Variants in STIM1 observed in about 807,000 individuals in gnomAD.
STIM1 encodes stromal interaction molecule 1.
Under a neutral mutation model 74.7 loss-of-function variants are expected in STIM1, and 25 were observed. The ratio of observed to expected loss-of-function variants is 0.33; its 90% CI spans 0.24 to 0.47. The LOEUF (loss-of-function observed/expected upper bound fraction) is 0.47, where lower values mean the gene tolerates loss of function less well. Ranked by LOEUF, STIM1 falls within the 20% of genes least tolerant of loss-of-function variation. The pLI is 1.00. For synonymous variants in STIM1, 328 were observed against 348.8 expected (o/e 0.94, Z 0.66); for missense variants, 728 against 920.8 (o/e 0.79, Z 2.71).
At position 4,018,187 on chromosome 11, in the gene STIM1, C is replaced by T. The variant is rs540252686; in HGVS notation, c.271-5686C>T. On this transcript the variant is annotated intron_variant, in intron 2 of 12. Coordinates refer to ENST00000526596, the MANE Select transcript of STIM1 (RefSeq NM_001382567.1). ...AAAATTGGCTGGGCGCGGTGGCTCA[C>T]GCCTGTAATCCCAGCACTTTGGGAG... 1.4e-4 allele frequency among the ~76,000 whole-genome samples: 22 copies of T among 151,978 alleles called. No individual in the cohort carries two copies. The East Asian group carries it at 2.7e-3, about 19-fold the overall frequency.
chr11:4,024,114 A>G (rs893681746), intron 3 of STIM1, 127 bp downstream of exon 3: 3 of 735,816 alleles, frequency 4.1e-6, no homozygotes, highest in Non-Finnish European at 7.2e-6. Context: ...AAGTTATTCT[A>G]CATATAGTCA....
In STIM1 at chr11:3,895,736, T is replaced by TTC. The variant is rs1554954416; in HGVS notation, c.139+39328_139+39329insCT. Among the ~76,000 whole-genome samples, 123 of 31,894 alleles carry TTC rather than the reference T, an allele frequency of 3.9e-3. 8 individuals carry two copies. Among genetic ancestry groups the TTC allele is most frequent in the East Asian group, 0.011 (11 of 1,026 alleles). The allele number at this position is 31,894 out of a possible 152,430, so 20.9% of individuals were successfully genotyped here. On this transcript the variant is annotated intron_variant, in intron 1 of 12. Transcript: ENST00000526596. ...TTTCTTTCTTTCTTTCTTTCTTTCT[T>TTC]TTTCTTTCTTCCTTCCTTCCTTCCT...
At chr11:4,004,291 C>A (rs1302415718) in intron 2 of STIM1, among the ~76,000 whole-genome samples, 1 of 151,954 alleles carries the variant, frequency 6.6e-6, no homozygotes, top group Admixed American at 6.6e-5. Flanking sequence ...AATCCTAAGC[C>A]AAAAGAACAA....
chr11:4,048,659 CTT>C (rs1379507793), intron 3 of STIM1, among the ~76,000 whole-genome samples: 1 of 152,030 alleles, frequency 6.6e-6, no homozygotes, highest in Non-Finnish European at 1.5e-5. Flanking sequence ...TCATAATTGA[CTT>C]TTAACAAAGT....
chr11:3,922,413 T>C (rs144858927), intron 1 of STIM1, among the ~76,000 whole-genome samples: 3 of 152,308 alleles, frequency 2.0e-5, no homozygotes, highest in African/African-American at 4.8e-5. Context: ...CAGTTTTCCA[T>C]TGGGCTATCT....
chr11:3,990,000 A>G (rs1389956855), intron 2 of STIM1, among the ~76,000 whole-genome samples: 1 of 152,242 alleles, frequency 6.6e-6, no homozygotes, highest in Non-Finnish European at 1.5e-5. Flanking sequence ...AATTAAAAAC[A>G]TTTTTGTCAC....
At chr11:3,991,437 C>G (rs1188503024) in intron 2 of STIM1, among the ~76,000 whole-genome samples, 1 of 151,788 alleles carries the variant, frequency 6.6e-6, no homozygotes, top group Non-Finnish European at 1.5e-5. Flanking sequence ...TCCCAAAGTG[C>G]TGGTATTACA....
chr11:3,980,677 C>CA (rs1277137211), intron 2 of STIM1, among the ~76,000 whole-genome samples: 146 of 148,318 alleles, frequency 9.8e-4, no homozygotes, highest in African/African-American at 3.5e-3. Flanking sequence ...ACAACAACAA[C>CA]AACAAAAAAA....
chr11:4,080,378 G>A (rs983166867), intron 7 of STIM1, among the ~76,000 whole-genome samples: 15 of 151,874 alleles, frequency 9.9e-5, no homozygotes, highest in African/African-American at 3.6e-4. Context: ...ATTTATTACT[G>A]TGCATGGCAT....
At chr11:4,000,467 G>C (rs1372367855) in intron 2 of STIM1, among the ~76,000 whole-genome samples, 1 of 152,048 alleles carries the variant, frequency 6.6e-6, no homozygotes, top group African/African-American at 2.4e-5. Context: ...CTGATACCCA[G>C]GCAAACAGGG....
At chr11:3,855,624 C>CG (rs1446701651), upstream of STIM1, 7 of 145,372 alleles carry the variant, frequency 4.8e-5, no homozygotes, top group African/African-American at 1.7e-4. Flanking sequence ...CGCACGCCCC[C>CG]GCCCGCCCCG....
chr11:3,933,576 C>G (rs928286260), intron 1 of STIM1, among the ~76,000 whole-genome samples: 6 of 152,108 alleles, frequency 3.9e-5, no homozygotes, highest in Non-Finnish European at 8.8e-5. Context: ...CCTCTTTGGC[C>G]TTGTCTACCT....
intron 2 of STIM1, among the ~76,000 whole-genome samples, chr11:3,976,606 C>T (rs990566276): frequency 7.9e-5 from 12 of 152,154 alleles, no homozygotes; most frequent in Admixed American, 3.3e-4. Context: ...AGTGAATACT[C>T]GCTACTTTCC....
chr11:3,962,583 C>G (rs1170255781), intron 1 of STIM1, among the ~76,000 whole-genome samples: 1 of 152,064 alleles, frequency 6.6e-6, no homozygotes, highest in Non-Finnish European at 1.5e-5. Flanking sequence ...TGGTGGCTAT[C>G]TCTTTATATA....
Position 4,091,883 on chromosome 11 carries a change from G to A in STIM1, c.*85G>A. 4 of 1,570,082 alleles carry A rather than the reference G, an allele frequency of 2.5e-6. No homozygotes were observed. In the South Asian group the frequency reaches 3.4e-5, roughly 13 times the overall value. On this transcript the variant is annotated 3_prime_UTR_variant, in exon 13 of 13. Coordinates refer to ENST00000526596, the MANE Select transcript of STIM1 (RefSeq NM_001382567.1). ...TCCCTCCCTTCCTTCAAGATAACTG[G>A]CCCCAAGAGTGGGGCATGGGAAGGG...
At chr11:4,035,763 T>C (rs1242722527) in intron 3 of STIM1, among the ~76,000 whole-genome samples, 1 of 151,980 alleles carries the variant, frequency 6.6e-6, no homozygotes, top group Admixed American at 6.6e-5. Context: ...ACATGGTCTA[T>C]CTTGTTAAAT....
intron 1 of STIM1, among the ~76,000 whole-genome samples, chr11:3,886,208 C>T (rs908719182): frequency 1.3e-5 from 2 of 152,124 alleles, no homozygotes; most frequent in Admixed American, 1.3e-4. Context: ...AGAAAATTCA[C>T]TGGGAACCCA....
At position 4,028,414 on chromosome 11, in the gene STIM1, C is replaced by CT. The variant is rs1217731355; in HGVS notation, c.385+4438dup. Among the ~76,000 whole-genome samples, 560 of 137,182 alleles carry CT rather than the reference C, an allele frequency of 4.1e-3. 3 individuals carry two copies. The highest frequency in any genetic ancestry group is 0.013 in the African/African-American group (493 of 37,052). 90.0% of individuals were successfully genotyped at this position (137,182 alleles called of 152,430 possible). A position where few individuals can be genotyped will look rare whatever the true frequency, so the allele number is the denominator to read the frequency against. ...CTTTTTTTTTCTTTCTTTTTCTTTT[C>CT]TTTTTTTTTTTCGAGGTGGAGTCTT... On this transcript the variant is annotated intron_variant, in intron 3 of 12. Transcript: ENST00000526596.
intron 1 of STIM1, among the ~76,000 whole-genome samples, chr11:3,955,210 T>C (rs1196086174): frequency 6.6e-6 from 1 of 152,060 alleles, no homozygotes; most frequent in Non-Finnish European, 1.5e-5. Flanking sequence ...ACAGTGGTTG[T>C]GTGGGGAGGG....
Sources: allele counts gnomAD v4.1 joint callset (sites outside exome capture counted in the v4.1 genomes callset), GRCh38; gene constraint gnomAD v4.1.1; transcripts MANE v1.5; gene names NCBI Gene and HGNC (gene_info 2026-07-23, HGNC 2026-07-21).